Variants in ADIG observed in about 807,000 individuals in gnomAD.
The protein encoded by ADIG is adipogenin.
ADIG carries 12 observed loss-of-function variants against 10.7 expected under a neutral mutation model. The ratio of observed to expected loss-of-function variants is 1.12; its 90% CI spans 0.72 to 1.82. The LOEUF (loss-of-function observed/expected upper bound fraction) is 1.82. Among genes scored for constraint, ADIG ranks in the 40% most tolerant of loss-of-function variants. ADIG has a pLI of 0.00. For missense variants in ADIG, 72 were observed against 92.5 expected, an observed-to-expected ratio of 0.78 and a Z score of 0.91; for synonymous variants, 32 against 35.6, an observed-to-expected ratio of 0.90 and a Z score of 0.36.
chr20:38,586,641 C>T (rs552820497), intron 2 of ADIG, among the ~76,000 whole-genome samples: 83 of 152,252 alleles, frequency 5.5e-4, no homozygotes, highest in Non-Finnish European at 7.8e-4. Context: ...CACGTTTGAT[C>T]GTGGCTGCAT....
At chr20:38,587,711 A>G (rs1484838030) in intron 2 of ADIG, among the ~76,000 whole-genome samples, 1 of 145,322 alleles carries the variant, frequency 6.9e-6, no homozygotes, top group Non-Finnish European at 1.5e-5. Flanking sequence ...CACCCCCATC[A>G]CTTACCCACC....
At chr20:38,583,640 A>T (rs1317349023) in intron 1 of ADIG, among the ~76,000 whole-genome samples, 1 of 152,156 alleles carries the variant, frequency 6.6e-6, no homozygotes, top group Non-Finnish European at 1.5e-5. Context: ...TCCAGAGAGG[A>T]GACATTTCTC....
chr20:38,584,090 C>G (rs994078058), intron 1 of ADIG, among the ~76,000 whole-genome samples: 2 of 152,136 alleles, frequency 1.3e-5, no homozygotes, highest in African/African-American at 2.4e-5. Context: ...CCACCACCCC[C>G]CAACACTCCT....
chr20:38,586,424 C>T (rs933581897), intron 2 of ADIG, among the ~76,000 whole-genome samples: 1 of 152,208 alleles, frequency 6.6e-6, no homozygotes, highest in African/African-American at 2.4e-5. Flanking sequence ...TCACCCCCCA[C>T]CACTTTCCTG....
intron 1 of ADIG, chr20:38,585,704 C>CTGGA: frequency 1.5e-6 from 1 of 666,328 alleles, no homozygotes; most frequent in Non-Finnish European, 2.5e-6. Flanking sequence ...GACTAGTGGC[C>CTGGA]TGGATGGGTC....
At chr20:38,584,089 C>G (rs2088612760) in intron 1 of ADIG, among the ~76,000 whole-genome samples, 1 of 152,116 alleles carries the variant, frequency 6.6e-6, no homozygotes, top group African/African-American at 2.4e-5. Context: ...CCCACCACCC[C>G]CCAACACTCC....
At chr20:38,586,204 C>T in intron 2 of ADIG, 43 bp downstream of exon 2, 1 of 1,496,598 alleles carries the variant, frequency 6.7e-7, no homozygotes, top group Non-Finnish European at 9.1e-7. Flanking sequence ...AAGGCCCACC[C>T]AAAGCCTTGG....
Position 38,586,141 on chromosome 20 carries a change from C to A in ADIG, c.237C>A (p.Cys79Ter). ...ACGGCCAAGAGAAGGAGAGGCCCTG[C>A]TGGTGAGCCTGCTGTGCCAGGTGAG... ...TLHGQEKERP[C>*]W Residue 79 changes from cysteine to a stop codon, truncating the protein, a stop_gained, in exon 2 of 3, where the codon TGC becomes TGA. Transcript: ENST00000537425. LOFTEE classifies it high-confidence loss of function. The A allele has an allele frequency of 6.3e-7, 1 of 1,588,868 alleles. No homozygotes were observed. The highest frequency in any genetic ancestry group is 8.6e-7 in the Non-Finnish European group (1 of 1,167,560).
intron 1 of ADIG, among the ~76,000 whole-genome samples, chr20:38,581,844 G>A (rs1318409840): frequency 6.6e-6 from 1 of 152,228 alleles, no homozygotes; most frequent in Non-Finnish European, 1.5e-5. Flanking sequence ...GGATACAGCA[G>A]CCTTAGGCAT....
intron 1 of ADIG, among the ~76,000 whole-genome samples, chr20:38,584,160 G>C (rs527897114): frequency 6.8e-6 from 1 of 146,656 alleles, no homozygotes; most frequent in South Asian, 2.4e-4. Context: ...TGGAATACCC[G>C]ACAGGATGCA....
intron 1 of ADIG, among the ~76,000 whole-genome samples, chr20:38,584,524 T>G (rs1478414481): frequency 6.6e-6 from 1 of 152,216 alleles, no homozygotes; most frequent in Non-Finnish European, 1.5e-5. Context: ...CTTTAAATCC[T>G]CTGAGTCCAA....
chr20:38,587,097 C>A (rs2088643966), intron 2 of ADIG, among the ~76,000 whole-genome samples: 1 of 152,192 alleles, frequency 6.6e-6, no homozygotes, highest in African/African-American at 2.4e-5. Flanking sequence ...CATTGTCACC[C>A]AGCCAAGCAA....
intron 2 of ADIG, 171 bp downstream of exon 2, chr20:38,586,332 C>A (rs1301117087): frequency 3.3e-6 from 2 of 598,138 alleles, no homozygotes; most frequent in African/African-American, 3.7e-5. Flanking sequence ...GTGGGGGAGA[C>A]CTGGTGTTGC....
In ADIG at chr20:38,585,333, C is replaced by CGT. The variant is rs2088626860; in HGVS notation, c.125-692_125-691dup. On this transcript the variant is annotated intron_variant, in intron 1 of 2. Coordinates refer to ENST00000537425, the MANE Select transcript of ADIG (RefSeq NM_001393816.1). ...ATGAGTCTGTTAGCAAACTCATTAA[C>CGT]GTGTGCAGGTTTTCAAAACAAATTG... 6.2e-6 allele frequency: 8 copies of CGT among 1,290,318 alleles called. No individual in the cohort carries two copies. In the African/African-American group the frequency reaches 1.2e-4, roughly 19 times the overall value. 79.9% of individuals were successfully genotyped at this position (1,290,318 alleles called of 1,614,324 possible).
intron 1 of ADIG, among the ~76,000 whole-genome samples, chr20:38,582,167 T>G (rs1301599317): frequency 6.6e-6 from 1 of 152,164 alleles, no homozygotes; most frequent in Non-Finnish European, 1.5e-5. Flanking sequence ...CCCAGCACTT[T>G]GGGAAGCCAA....
At chr20:38,582,418 C>CTT (rs2088597352) in intron 1 of ADIG, among the ~76,000 whole-genome samples, 1 of 152,188 alleles carries the variant, frequency 6.6e-6, no homozygotes, top group Non-Finnish European at 1.5e-5. Context: ...GTGGGGACCA[C>CTT]TTGACCTCCT....
At chr20:38,586,216 C>T (rs2088635756) in intron 2 of ADIG, 55 bp downstream of exon 2, 4 of 1,439,498 alleles carry the variant, frequency 2.8e-6, no homozygotes, top group Non-Finnish European at 3.8e-6. Flanking sequence ...AAGCCTTGGG[C>T]AGCTGCTATG....
intron 2 of ADIG, among the ~76,000 whole-genome samples, chr20:38,587,498 C>T (rs2088647598): frequency 6.6e-6 from 1 of 152,156 alleles, no homozygotes; most frequent in African/African-American, 2.4e-5. Flanking sequence ...TGCAGTCCCA[C>T]AAGGTCCCAG....
At chr20:38,587,366 G>A (rs982710558) in intron 2 of ADIG, among the ~76,000 whole-genome samples, 3 of 152,158 alleles carry the variant, frequency 2.0e-5, no homozygotes, top group African/African-American at 7.2e-5. Context: ...AACCTAAGTT[G>A]TAATGATTTT....
Sources: gnomAD v4.1 joint callset for allele counts (sites outside exome capture counted in the v4.1 genomes callset) on GRCh38, gnomAD v4.1.1 for gene constraint, MANE v1.5 for transcripts, NCBI Gene and HGNC (gene_info 2026-07-23, HGNC 2026-07-21) for gene names.